Variants in JAK2 observed in about 807,000 individuals in gnomAD.
The protein encoded by JAK2 is tyrosine-protein kinase JAK2.
In JAK2, 86 loss-of-function variants were observed where a neutral mutation model predicts 139.3. The observed-to-expected ratio is 0.62, with a 90% CI of 0.52 to 0.74. JAK2 has a LOEUF of 0.74. JAK2 is among the 30% of genes least tolerant of loss of function. JAK2 has a pLI of 0.00. For synonymous variants in JAK2, 490 were observed against 437.7 expected (o/e 1.12, Z -1.49); for missense variants, 1,421 against 1,360.3 (o/e 1.04, Z -0.70).
At chr9:5,119,386 C>T (rs988063128) in intron 22 of JAK2, among the ~76,000 whole-genome samples, 8 of 151,750 alleles carry the variant, frequency 5.3e-5, no homozygotes, top group African/African-American at 1.9e-4. Context: ...GAAAATTATG[C>T]ACTTTCATGT....
intron 22 of JAK2, among the ~76,000 whole-genome samples, chr9:5,118,211 T>G (rs1238014848): frequency 1.3e-5 from 2 of 152,150 alleles, no homozygotes; most frequent in African/African-American, 4.8e-5. Flanking sequence ...ATCACCCACT[T>G]AAAAAGATTA....
At chr9:5,078,537 A>C (rs2130593385) in intron 16 of JAK2, 93 bp downstream of exon 16, 1 of 879,254 alleles carries the variant, frequency 1.1e-6, no homozygotes, top group Non-Finnish European at 1.7e-6. Flanking sequence ...AATTCCATTT[A>C]ATTTGTATGT....
intron 2 of JAK2, among the ~76,000 whole-genome samples, chr9:5,005,006 T>G (rs1466782844): frequency 7.1e-6 from 1 of 141,682 alleles, no homozygotes; most frequent in East Asian, 2.4e-4. Context: ...AGCCTTGACC[T>G]CCCAAGCGCA....
intron 2 of JAK2, among the ~76,000 whole-genome samples, chr9:5,020,639 G>T (rs1822356944): frequency 6.6e-6 from 1 of 152,182 alleles, no homozygotes; most frequent in Non-Finnish European, 1.5e-5. Flanking sequence ...ATGCAAATTT[G>T]CATTTTGACA....
intron 22 of JAK2, among the ~76,000 whole-genome samples, chr9:5,104,935 A>G (rs187060320): frequency 7.9e-5 from 12 of 152,212 alleles, no homozygotes; most frequent in Non-Finnish European, 1.3e-4. Context: ...GTTTATGACA[A>G]ACTCACAGCC....
In JAK2 at chr9:5,128,527, TAC is replaced by T. The variant is rs1476886553; in HGVS notation, c.*1738_*1739del. On this transcript the variant is annotated 3_prime_UTR_variant, in exon 25 of 25. Transcript: ENST00000381652. ...TCAGATTTTCATACTAAAACTTAAC[TAC>T]ATACTTAAAAGTAGGTTCTTATCAA... Among the ~76,000 whole-genome samples, 6 of 151,898 alleles carry T rather than the reference TAC, an allele frequency of 4.0e-5. No homozygotes were observed. The highest frequency in any genetic ancestry group is 2.6e-4 in the Admixed American group (4 of 15,238).
intron 23 of JAK2, among the ~76,000 whole-genome samples, chr9:5,123,686 C>T (rs1056364019): frequency 7.2e-5 from 11 of 151,862 alleles, no homozygotes; most frequent in Non-Finnish European, 1.3e-4. Flanking sequence ...AATGCTGGAT[C>T]GAATGGTAGT....
At chr9:5,100,847 G>C (rs541698072) in intron 22 of JAK2, 3 of 152,278 alleles carry the variant, frequency 2.0e-5, no homozygotes, top group African/African-American at 7.2e-5. Flanking sequence ...GGCTTTCATG[G>C]ATTTCATGTT....
chr9:5,121,126 G>T (rs1419372007), intron 22 of JAK2, among the ~76,000 whole-genome samples: 1 of 152,140 alleles, frequency 6.6e-6, no homozygotes, highest in Non-Finnish European at 1.5e-5. Context: ...GTAGTGTTGG[G>T]AAAGTATAAT....
chr9:5,090,150 A>C (rs537508244), intron 20 of JAK2, among the ~76,000 whole-genome samples: 6 of 152,172 alleles, frequency 3.9e-5, no homozygotes, highest in African/African-American at 1.4e-4. Flanking sequence ...TTTTGAATTC[A>C]ATGTTTTTTG....
At chr9:5,030,015 A>G in intron 4 of JAK2, 109 bp downstream of exon 4, 1 of 826,490 alleles carries the variant, frequency 1.2e-6, no homozygotes, top group Non-Finnish European at 1.8e-6. Context: ...TGAACCAATT[A>G]GTTAGCACTC....
intron 22 of JAK2, chr9:5,101,097 A>G (rs1821445121): frequency 6.6e-6 from 1 of 152,294 alleles, no homozygotes; most frequent in African/African-American, 2.4e-5. Context: ...CCCAGGAAGC[A>G]CAAGGGGTCA....
rs202001598 is a variant in JAK2 at position 5,038,243 on chromosome 9, AAAAG to A, written c.351-6153_351-6150del. 6.8e-3 allele frequency among the ~76,000 whole-genome samples: 1,031 copies of A among 152,340 alleles called. 22 individuals carry two copies. Among genetic ancestry groups the A allele is most frequent in the African/African-American group, 0.024 (981 of 41,572 alleles). On this transcript the variant is annotated intron_variant, in intron 4 of 24. Transcript: ENST00000381652. ...AAAGACACAAGTTATAGGAACTGCT[AAAAG>A]AAAGAACAGAAAGTTTGAATAGGTC...
At chr9:4,991,969 C>G (rs1381075347) in intron 2 of JAK2, among the ~76,000 whole-genome samples, 2 of 152,124 alleles carry the variant, frequency 1.3e-5, no homozygotes, top group African/African-American at 2.4e-5. Context: ...CAGAAACTAC[C>G]CAAAACTTAG....
intron 8 of JAK2, among the ~76,000 whole-genome samples, chr9:5,059,791 G>C (rs898853903): frequency 6.6e-6 from 1 of 152,052 alleles, no homozygotes; most frequent in South Asian, 2.1e-4. Flanking sequence ...TCATTGCCCT[G>C]GTGAGTAATG....
chr9:5,047,136 A>T (rs1447284514), intron 5 of JAK2, among the ~76,000 whole-genome samples: 1 of 152,130 alleles, frequency 6.6e-6, no homozygotes, highest in Non-Finnish European at 1.5e-5. Flanking sequence ...TACTTCTCTA[A>T]ATTTGTGCCC....
intron 2 of JAK2, among the ~76,000 whole-genome samples, chr9:5,004,910 C>T (rs1426661641): frequency 6.8e-6 from 1 of 147,120 alleles, no homozygotes; most frequent in African/African-American, 2.6e-5. Context: ...TGGCCATTTA[C>T]ATATTGTCTT....
At chr9:5,091,352 A>G (rs1248770095) in intron 22 of JAK2, 2 of 152,884 alleles carry the variant, frequency 1.3e-5, no homozygotes, top group Non-Finnish European at 2.9e-5. Context: ...CCAAGTACTG[A>G]TATTTGAGGG....
chr9:5,025,928 T>C (rs1207339967), intron 3 of JAK2, among the ~76,000 whole-genome samples: 1 of 152,256 alleles, frequency 6.6e-6, no homozygotes, highest in Non-Finnish European at 1.5e-5. Flanking sequence ...TTCAAGTTTA[T>C]TGGCATAATG....
Sources: allele counts gnomAD v4.1 joint callset (sites outside exome capture counted in the v4.1 genomes callset), GRCh38; gene constraint gnomAD v4.1.1; transcripts MANE v1.5; gene names NCBI Gene and HGNC (gene_info 2026-07-23, HGNC 2026-07-21).